The following SEMA3A variants were observed in gnomAD, a reference collection of about 807,000 sequenced individuals.
SEMA3A encodes the protein semaphorin-3A.
In SEMA3A, 29 loss-of-function variants were observed where a neutral mutation model predicts 97.9. The observed-to-expected ratio is 0.30, with a 90% CI of 0.22 to 0.40. The LOEUF is 0.40. SEMA3A is among the 10% of genes least tolerant of loss of function. SEMA3A has a pLI of 1.00. For synonymous variants in SEMA3A, 321 were observed against 323.7 expected (o/e 0.99, Z 0.09); for missense variants, 763 against 951.3 (o/e 0.80, Z 2.60).
intron 4 of SEMA3A, among the ~76,000 whole-genome samples, chr7:84,063,568 G>A (rs527726709): frequency 1.9e-4 from 28 of 150,502 alleles, no homozygotes; most frequent in Admixed American, 4.6e-4. Context: ...ACAGAGAAGT[G>A]CTTAAAGGAG....
rs1348150298 is a variant in SEMA3A at position 84,067,940 on chromosome 7, T to A, written c.454-7382A>T. Among the ~76,000 whole-genome samples the A allele has an allele frequency of 6.2e-5, 9 of 144,102 alleles. No individual in the cohort carries two copies. In the South Asian group the frequency reaches 7.2e-4, roughly 11 times the overall value. 94.5% of individuals were successfully genotyped at this position (144,102 alleles called of 152,430 possible). ...ATTACTGGGTATATACCCAAAGGAC[T>A]ATAAATCATGCTGCTATAAAGACAC... On this transcript the variant is annotated intron_variant, in intron 4 of 16. Coordinates refer to ENST00000265362, the MANE Select transcript of SEMA3A (RefSeq NM_006080.3).
rs1381020941 is a variant in SEMA3A, at chr7:84,376,621, A to T, written c.-245-4721T>A. Among the ~76,000 whole-genome samples, 6 of 150,112 alleles carry T rather than the reference A, an allele frequency of 4.0e-5. 2 individuals carry two copies. Among genetic ancestry groups the T allele is most frequent in the Non-Finnish European group, 8.9e-5 (6 of 67,534 alleles). The stretch of plus-strand genomic sequence containing the variant: ...TCCGTCTCAAAAAAAAAAAAAAAAA[A>T]AAAAAAAAAAAGAAGTGTTCACATC... On this transcript the variant is annotated intron_variant, in intron 1 of 3. Coordinates refer to the SEMA3A transcript ENST00000424555.
chr7:84,100,525 A>C (rs7780843), intron 4 of SEMA3A, among the ~76,000 whole-genome samples: 62,153 of 151,922 alleles, frequency 0.41, 14,517 homozygotes, highest in Non-Finnish European at 0.51. Flanking sequence ...TTTAAAGTAC[A>C]GGATATATAT....
intron 3 of SEMA3A, among the ~76,000 whole-genome samples, chr7:84,126,509 T>G (rs1436215508): frequency 2.6e-5 from 4 of 152,094 alleles, no homozygotes; most frequent in Non-Finnish European, 5.9e-5. Flanking sequence ...CCCGGATGAG[T>G]TGATTATCAT....
chr7:84,118,223 G>A (rs1462064135), intron 3 of SEMA3A, among the ~76,000 whole-genome samples: 2 of 152,158 alleles, frequency 1.3e-5, no homozygotes, highest in East Asian at 3.9e-4. Flanking sequence ...TTCTATGAAA[G>A]CCTAGTCCTC....
chr7:84,010,090 T>A (rs915339327), intron 9 of SEMA3A, among the ~76,000 whole-genome samples: 2 of 152,042 alleles, frequency 1.3e-5, no homozygotes, highest in Non-Finnish European at 1.5e-5. Context: ...TCTTTTTACA[T>A]GATTATTTTA....
rs1204979551 is a variant in SEMA3A, at chr7:84,344,432, T to C, written c.-169+27392A>G. 3.3e-5 allele frequency among the ~76,000 whole-genome samples: 5 copies of C among 152,238 alleles called. No individual in the cohort carries two copies. In the East Asian group the frequency reaches 9.7e-4, roughly 29 times the overall value. ...ACCAAGGTGTTGCTTGGGAGCGGTATCCAGAGTGCAGTGCAGAGAAGGAGA... is the reference window on the plus strand; with the variant it reads ...ACCAAGGTGTTGCTTGGGAGCGGTACCCAGAGTGCAGTGCAGAGAAGGAGA... On this transcript the variant is annotated intron_variant, in intron 2 of 3. Transcript: ENST00000424555.
chr7:84,489,424 A>G (rs540071246), intron 1 of SEMA3A, among the ~76,000 whole-genome samples: 2 of 152,252 alleles, frequency 1.3e-5, no homozygotes, highest in South Asian at 2.1e-4. Flanking sequence ...ACATTCGTAA[A>G]TGAGAATAGG....
chr7:84,340,296 T>C (rs1186188902), intron 2 of SEMA3A, among the ~76,000 whole-genome samples: 1 of 152,166 alleles, frequency 6.6e-6, no homozygotes, highest in East Asian at 1.9e-4. Context: ...TATTTCTTGA[T>C]TGATTATAGC....
intron 3 of SEMA3A, among the ~76,000 whole-genome samples, chr7:84,113,174 T>G (rs2372032): frequency 0.49 from 74,287 of 152,080 alleles, 19,345 homozygotes; most frequent in East Asian, 0.71. Context: ...CAAATTTGGT[T>G]AAAAATAGTT....
At position 83,961,369 on chromosome 7, in the gene SEMA3A, G is replaced by T; in HGVS notation, c.*2C>A. On this transcript the variant is annotated 3_prime_UTR_variant, in exon 17 of 17. Transcript: ENST00000265362. ...GTTTGAGGTTTCTAGAGGTAATGCA[G>T]CTCAGACACTCCTGGGTGCCCTCTC... is the stretch of plus-strand genomic sequence containing the variant. 9 of 1,612,424 alleles carry T rather than the reference G, an allele frequency of 5.6e-6. No individual in the cohort carries two copies. The highest frequency in any genetic ancestry group is 7.6e-6 in the Non-Finnish European group (9 of 1,178,440).
chr7:84,362,021 G>T (rs530241138), intron 2 of SEMA3A, among the ~76,000 whole-genome samples: 16 of 151,956 alleles, frequency 1.1e-4, no homozygotes, highest in African/African-American at 3.6e-4. Flanking sequence ...TATTAATGTT[G>T]CTCATATAGT....
At chr7:84,211,612 A>C (rs1798630133) in intron 3 of SEMA3A, among the ~76,000 whole-genome samples, 1 of 150,234 alleles carries the variant, frequency 6.7e-6, no homozygotes. Context: ...ACAAGAATGA[A>C]ACTCCATCTA....
chr7:84,122,646 A>G (rs1795663321), intron 3 of SEMA3A, among the ~76,000 whole-genome samples: 1 of 152,210 alleles, frequency 6.6e-6, no homozygotes. Context: ...TAAAATTTAA[A>G]AAATTGAAAG....
upstream of SEMA3A, among the ~76,000 whole-genome samples, chr7:84,195,907 T>C (rs1798216096): frequency 6.6e-6 from 1 of 152,164 alleles, no homozygotes; most frequent in Admixed American, 6.5e-5. Flanking sequence ...GTGGGACGTA[T>C]AGGCATGTAT....
chr7:84,240,701 C>T (rs984000097), intron 3 of SEMA3A, among the ~76,000 whole-genome samples: 3 of 152,116 alleles, frequency 2.0e-5, no homozygotes, highest in Non-Finnish European at 4.4e-5. Context: ...TGGTTTGCTG[C>T]ACTCATCAAC....
chr7:84,426,902 T>G (rs541628962), intron 1 of SEMA3A, among the ~76,000 whole-genome samples: 5 of 152,272 alleles, frequency 3.3e-5, no homozygotes, highest in African/African-American at 4.8e-5. Flanking sequence ...CACTTCAAAA[T>G]ATTTTGTAAC....
intron 4 of SEMA3A, among the ~76,000 whole-genome samples, chr7:84,099,476 T>C (rs1794887584): frequency 6.6e-6 from 1 of 152,174 alleles, no homozygotes. Context: ...TCCTTTGTGA[T>C]ATGCTATCAA....
intron 3 of SEMA3A, among the ~76,000 whole-genome samples, chr7:84,127,218 T>C (rs911342664): frequency 2.0e-5 from 3 of 151,966 alleles, no homozygotes; most frequent in Admixed American, 6.6e-5. Flanking sequence ...TCCTGTTGAG[T>C]CAGTTTACAG....
Sources: allele counts gnomAD v4.1 joint callset (sites outside exome capture counted in the v4.1 genomes callset), GRCh38; gene constraint gnomAD v4.1.1; transcripts MANE v1.5; gene names NCBI Gene and HGNC (gene_info 2026-07-23, HGNC 2026-07-21).